SNX30: variants seen among roughly 807,000 people sequenced by gnomAD.
SNX30 encodes the protein sorting nexin-30.
In SNX30, 24 loss-of-function variants were observed where a neutral mutation model predicts 46.4. The observed-to-expected ratio is 0.52, with a 90% CI of 0.37 to 0.73. SNX30 has a LOEUF of 0.73. Among genes scored for constraint, SNX30 ranks in the 30% least tolerant of loss-of-function variants. The pLI is 0.00. For synonymous variants in SNX30, 189 were observed against 211.5 expected (o/e 0.89, Z 0.92); for missense variants, 533 against 555.7 (o/e 0.96, Z 0.41).
intron 3 of SNX30, among the ~76,000 whole-genome samples, chr9:112,824,090 A>C (rs1840545153): frequency 6.6e-6 from 1 of 152,210 alleles, no homozygotes; most frequent in African/African-American, 2.4e-5. Context: ...GCTGACGAGG[A>C]AGTTGGACAT....
chr9:112,885,669 TAAG>T (rs781008958), downstream of SNX30: 14 of 152,120 alleles, frequency 9.2e-5, no homozygotes, highest in South Asian at 2.1e-4. Flanking sequence ...TTAGTGTAAA[TAAG>T]AAGTGAAATA....
chr9:112,859,119 G>A (rs1841185628), intron 7 of SNX30, among the ~76,000 whole-genome samples: 1 of 151,858 alleles, frequency 6.6e-6, no homozygotes, highest in South Asian at 2.1e-4. Context: ...AGAAACCCCT[G>A]TTCTACTTTC....
At chr9:112,777,513 A>G (rs1034575514) in intron 1 of SNX30, among the ~76,000 whole-genome samples, 3 of 151,640 alleles carry the variant, frequency 2.0e-5, no homozygotes, top group Non-Finnish European at 2.9e-5. Context: ...TGCAGCCTCA[A>G]ACTCCTGGGA....
chr9:112,838,403 C>T (rs1481123209), intron 5 of SNX30, 95 bp from the exon 6 acceptor site: 2 of 1,014,164 alleles, frequency 2.0e-6, no homozygotes, highest in Admixed American at 4.8e-5. Context: ...AACACATGTT[C>T]ATGTAGAGAG....
downstream of SNX30, among the ~76,000 whole-genome samples, chr9:112,883,784 A>G (rs113835404): frequency 0.013 from 1,859 of 146,246 alleles, 32 homozygotes; most frequent in African/African-American, 0.045. Flanking sequence ...TGCAACTACC[A>G]CCTCCTGGGT....
At chr9:112,794,658 C>T (rs896433263) in intron 1 of SNX30, among the ~76,000 whole-genome samples, 4 of 152,176 alleles carry the variant, frequency 2.6e-5, no homozygotes, top group Middle Eastern at 3.2e-3. Context: ...ATTGTTTTAG[C>T]ATAACTTATT....
intron 2 of SNX30, among the ~76,000 whole-genome samples, chr9:112,814,596 T>C (rs1476070072): frequency 6.6e-6 from 1 of 152,144 alleles, no homozygotes; most frequent in Non-Finnish European, 1.5e-5. Flanking sequence ...CTTTTCTTCT[T>C]TTGGCCAATA....
chr9:112,768,797 C>A (rs367641839), intron 1 of SNX30, among the ~76,000 whole-genome samples: 2 of 151,738 alleles, frequency 1.3e-5, no homozygotes, highest in African/African-American at 4.8e-5. Context: ...GCTGGGATTA[C>A]GGGCACCTGC....
chr9:112,842,740 T>C (rs1471231332), intron 6 of SNX30, among the ~76,000 whole-genome samples: 2 of 152,212 alleles, frequency 1.3e-5, no homozygotes, highest in Admixed American at 6.5e-5. Context: ...AGGACAATTG[T>C]GGCTAGGTAT....
chr9:112,760,125 G>A (rs949415723), intron 1 of SNX30, among the ~76,000 whole-genome samples: 1 of 152,224 alleles, frequency 6.6e-6, no homozygotes, highest in Non-Finnish European at 1.5e-5. Context: ...TTGCATAGGT[G>A]ATGGGTGGTA....
At chr9:112,842,922 A>C (rs1390311803) in intron 6 of SNX30, among the ~76,000 whole-genome samples, 1 of 152,138 alleles carries the variant, frequency 6.6e-6, no homozygotes. Context: ...GGAAGGTACA[A>C]AAGGTTAGTT....
At chr9:112,774,568 T>C (rs1189692174) in intron 1 of SNX30, among the ~76,000 whole-genome samples, 1 of 152,226 alleles carries the variant, frequency 6.6e-6, no homozygotes, top group Non-Finnish European at 1.5e-5. Flanking sequence ...AAGAGTCAAG[T>C]TACAATGTAA....
At chr9:112,832,451 AGAGAGAGAGTGTGTGTGTGT>A (rs1292120387) in intron 4 of SNX30, among the ~76,000 whole-genome samples, 13 of 129,906 alleles carry the variant, frequency 1.0e-4, no homozygotes, top group African/African-American at 3.8e-4. Context: ...AGAGAGAGAG[AGAGAGAGAGTGTGTGTGTGT>A]GTGTGTGTGT....
intron 1 of SNX30, among the ~76,000 whole-genome samples, chr9:112,769,910 C>A (rs534290671): frequency 6.6e-6 from 1 of 152,192 alleles, no homozygotes; most frequent in East Asian, 1.9e-4. Flanking sequence ...TCGGCTCTTC[C>A]CTTTTTCATC....
intron 1 of SNX30, among the ~76,000 whole-genome samples, chr9:112,796,851 G>A (rs1270668657): frequency 6.6e-6 from 1 of 152,078 alleles, no homozygotes; most frequent in Non-Finnish European, 1.5e-5. Context: ...ATCAGCTAGA[G>A]CTCATGGATG....
chr9:112,872,971 G>T lies in SNX30; in HGVS notation c.*4128G>T, dbSNP rs1420879781. 3 of 152,158 alleles carry T rather than the reference G, an allele frequency of 2.0e-5. No individual in the cohort carries two copies. Among genetic ancestry groups the T allele is most frequent in the Non-Finnish European group, 4.4e-5 (3 of 68,056 alleles). 9.4% of individuals were successfully genotyped at this position (152,158 alleles called of 1,614,324 possible). ...CTTTTCAATTCAGTGAATAAACCAG[G>T]AATCCATTTTTTCACCAACCCACCC... is the stretch of plus-strand genomic sequence containing the variant. On this transcript the variant is annotated 3_prime_UTR_variant, in exon 9 of 9. Transcript: ENST00000374232.
At position 112,776,516 on chromosome 9, in the gene SNX30, G is replaced by A. The variant is rs114489376; in HGVS notation, c.156+25359G>A. Among the ~76,000 whole-genome samples the A allele has an allele frequency of 2.3e-3, 354 of 152,262 alleles. 2 individuals are homozygous for A. The highest frequency in any genetic ancestry group is 8.1e-3 in the African/African-American group (338 of 41,532). On this transcript the variant is annotated intron_variant, in intron 1 of 8. Coordinates refer to ENST00000374232, the MANE Select transcript of SNX30 (RefSeq NM_001012994.2). ...CCGAGTTTCCAGTCTGCAGATGTGC[G>A]GATCTTCTGCTTCTACCTTCTTGGT...
chr9:112,798,103 GTTTGTTTTTTTTTTTTTCT>G (rs1439798524), intron 1 of SNX30, among the ~76,000 whole-genome samples: 1 of 122,580 alleles, frequency 8.2e-6, no homozygotes, highest in East Asian at 2.4e-4. Context: ...CCTTGTTGAG[GTTTGTTTTTTTTTTTTTCT>G]TTTTTTTTTT....
intron 2 of SNX30, among the ~76,000 whole-genome samples, chr9:112,813,469 ATTTTT>A (rs34581439): frequency 2.3e-5 from 3 of 132,348 alleles, no homozygotes; most frequent in Non-Finnish European, 3.1e-5. Context: ...ACTGTATTTA[ATTTTT>A]TTTTTTTTTT....
Sources: gnomAD v4.1 joint callset for allele counts (sites outside exome capture counted in the v4.1 genomes callset) on GRCh38, gnomAD v4.1.1 for gene constraint, MANE v1.5 for transcripts, NCBI Gene and HGNC (gene_info 2026-07-23, HGNC 2026-07-21) for gene names.